The following EPG5 variants were observed in gnomAD, a reference collection of about 807,000 sequenced individuals.
The protein encoded by EPG5 is ectopic P-granules 5 autophagy tethering factor.
Under a neutral mutation model 302.7 loss-of-function variants are expected in EPG5, and 159 were observed. The observed-to-expected ratio is 0.53, with a 90% CI of 0.46 to 0.60. EPG5 has a LOEUF of 0.60. EPG5 is among the 20% of genes least tolerant of loss of function. The pLI is 0.00. For missense variants in EPG5, 2,896 were observed against 3,092.4 expected, an observed-to-expected ratio of 0.94 and a Z score of 1.51; for synonymous variants, 1,158 against 1,136.8, an observed-to-expected ratio of 1.02 and a Z score of -0.37.
In EPG5 at chr18:45,847,711, AT is replaced by A. The variant is rs1352937166; in HGVS notation, c.*4755del. Reference sequence around the variant, plus strand: ...ATAAAAACTTACCCTTTGTACAAGTATGAAAAATGTGGAACAATGAATAAGT... The same window carrying A: ...ATAAAAACTTACCCTTTGTACAAGTAGAAAAATGTGGAACAATGAATAAGT... On this transcript the variant is annotated 3_prime_UTR_variant, in exon 44 of 44. Transcript: ENST00000282041. 1.3e-5 allele frequency: 2 copies of A among 152,630 alleles called. No homozygotes were observed. The highest frequency in any genetic ancestry group is 2.9e-5 in the Non-Finnish European group (2 of 68,046). The allele number at this position is 152,630 out of a possible 1,614,324, so 9.5% of individuals were successfully genotyped here.
the EPG5 span, chr18:45,839,028 C>T: frequency 5.0e-5 from 78 of 1,574,730 alleles, no homozygotes; most frequent in Non-Finnish European, 6.4e-5. Context: ...TCCTGCTCGG[C>T]GCTCTCGGCT....
intron 27 of EPG5, among the ~76,000 whole-genome samples, chr18:45,893,319 C>T (rs1260522329): frequency 2.6e-5 from 4 of 152,166 alleles, no homozygotes; most frequent in African/African-American, 9.7e-5. Flanking sequence ...AATCCCAGCA[C>T]TTTGGGAGGC....
At chr18:45,894,768 TG>T (rs1376369485) in intron 27 of EPG5, among the ~76,000 whole-genome samples, 6 of 152,186 alleles carry the variant, frequency 3.9e-5, no homozygotes, top group Non-Finnish European at 8.8e-5. Flanking sequence ...AAAGTCTAAA[TG>T]GCTGAAAAGT....
chr18:45,847,180 T>A (rs188180161), downstream of EPG5, among the ~76,000 whole-genome samples: 11 of 152,328 alleles, frequency 7.2e-5, no homozygotes, highest in African/African-American at 1.2e-4. Flanking sequence ...CCTTGGCCCA[T>A]TCAAAGTGCA....
chr18:45,963,898 G>A (rs7231179), intron 1 of EPG5, among the ~76,000 whole-genome samples: 53,202 of 152,042 alleles, frequency 0.35, 12,492 homozygotes, highest in African/African-American at 0.65. Flanking sequence ...CCTTGGAGGA[G>A]GGTTGTACTA....
At chr18:45,887,540 A>G (rs752972720) in intron 29 of EPG5, among the ~76,000 whole-genome samples, 10 of 152,242 alleles carry the variant, frequency 6.6e-5, no homozygotes, top group Non-Finnish European at 1.5e-5. Context: ...AGACTTTCAA[A>G]TATGAATAAT....
intron 29 of EPG5, among the ~76,000 whole-genome samples, chr18:45,886,785 A>G (rs2049227660): frequency 6.6e-6 from 1 of 152,098 alleles, no homozygotes; most frequent in Non-Finnish European, 1.5e-5. Flanking sequence ...CAGTCTCCCA[A>G]GTAGCTGGGA....
At chr18:45,922,645 T>C in intron 15 of EPG5, 45 bp from the exon 16 acceptor site, 1 of 1,598,628 alleles carries the variant, frequency 6.3e-7, no homozygotes, top group Middle Eastern at 1.8e-4. Context: ...ACACACAAAT[T>C]AAATCAGTAA....
chr18:45,894,232 G>T (rs932780032), intron 27 of EPG5, among the ~76,000 whole-genome samples: 3 of 152,078 alleles, frequency 2.0e-5, no homozygotes, highest in Non-Finnish European at 2.9e-5. Context: ...GGCCGAGATG[G>T]GTGGATCACC....
intron 14 of EPG5, among the ~76,000 whole-genome samples, chr18:45,925,056 C>A (rs1214660112): frequency 6.6e-6 from 1 of 152,142 alleles, no homozygotes; most frequent in East Asian, 1.9e-4. Context: ...AGACTCTTAA[C>A]CAATGCATAG....
intron 43 of EPG5, among the ~76,000 whole-genome samples, chr18:45,854,658 G>A (rs2048478050): frequency 6.6e-6 from 1 of 152,104 alleles, no homozygotes; most frequent in African/African-American, 2.4e-5. Flanking sequence ...CCAGGAGTTT[G>A]AGACCAACCT....
chr18:45,868,699 A>G (rs559688351), intron 36 of EPG5, among the ~76,000 whole-genome samples: 1 of 151,172 alleles, frequency 6.6e-6, no homozygotes. Flanking sequence ...ATGCTGTATT[A>G]TAACAATGTC....
rs751759759 is a variant in EPG5 at position 45,916,022 on chromosome 18, T to G, written c.3569A>C (p.Tyr1190Ser). The G allele has an allele frequency of 3.7e-6, 6 of 1,611,978 alleles. No homozygotes were observed. The highest frequency in any genetic ancestry group is 5.1e-6 in the Non-Finnish European group (6 of 1,179,540). The change falls in exon 19 of 44, where the codon TAC becomes TCC. Residue 1190 changes from tyrosine to serine, a missense_variant. By Grantham distance (144) the Tyr-to-Ser change is moderately radical. Around this residue, in one of 5 missense-constraint regions of EPG5, gnomAD observed 1,390 missense variants for 1,430.0 expected, o/e 0.97. Coordinates refer to ENST00000282041, the MANE Select transcript of EPG5 (RefSeq NM_020964.3). ...MQEDCIQKLL[Y>S]QQHKNALGYH... is the part of the protein sequence containing the mutation. ...CAGGTTAATTACCTTATGTTGTTGGTAGAGTAATTTCTGTATGCAGTCTTC... is the reference window on the plus strand; with the variant it reads ...CAGGTTAATTACCTTATGTTGTTGGGAGAGTAATTTCTGTATGCAGTCTTC...
intron 35 of EPG5, among the ~76,000 whole-genome samples, chr18:45,871,457 G>C (rs1041535150): frequency 3.3e-5 from 5 of 152,132 alleles, no homozygotes; most frequent in African/African-American, 1.2e-4. Flanking sequence ...GAAATCGATA[G>C]GGAGAAGGGA....
At chr18:45,958,315 G>A (rs1247299954) in intron 1 of EPG5, among the ~76,000 whole-genome samples, 1 of 152,084 alleles carries the variant, frequency 6.6e-6, no homozygotes, top group Non-Finnish European at 1.5e-5. Flanking sequence ...TTTTGCAGAA[G>A]TTGATAAACT....
At position 45,848,537 on chromosome 18, in the gene EPG5, G is replaced by A. The variant is rs1292384885; in HGVS notation, c.*3930C>T. The A allele has an allele frequency of 6.6e-6, 1 of 152,228 alleles. No individual in the cohort carries two copies. The highest frequency in any genetic ancestry group is 1.5e-5 in the Non-Finnish European group (1 of 68,046). The allele number at this position is 152,228 out of a possible 1,614,324, so 9.4% of individuals were successfully genotyped here. A position where few individuals can be genotyped will look rare whatever the true frequency, so the allele number is the denominator to read the frequency against. The stretch of plus-strand genomic sequence containing the variant: ...TATGCCACTTGGACCACACTGGTGC[G>A]ACTCTAACCCCAGGGCTGGGGCCAG... On this transcript the variant is annotated 3_prime_UTR_variant, in exon 44 of 44. Transcript: ENST00000282041.
rs368125864 is a variant in EPG5 at position 45,954,544 on chromosome 18, G to A, written c.858C>T (p.Asp286=). ...AAAGCAACTCATAAAATTCATGCCT[G>A]TCTTGATGAGCCATGCTGTCAAATT... ...LEEFDSMAHQ[D]RHEFYELLLN... Residue 286 remains aspartate, a synonymous_variant, in exon 2 of 44, where the codon GAC becomes GAT. Transcript: ENST00000282041. 24 of 1,614,110 alleles carry A rather than the reference G, an allele frequency of 1.5e-5. No individual in the cohort carries two copies. The African/African-American group carries it at 2.4e-4, about 16-fold the overall frequency.
Position 45,934,928 on chromosome 18 carries a change from C to T in EPG5, c.2138G>A (p.Gly713Glu). 6.2e-7 allele frequency: 1 copy of T among 1,613,688 alleles called. No homozygotes were observed. The highest frequency in any genetic ancestry group is 8.5e-7 in the Non-Finnish European group (1 of 1,179,924). ...CCACAGCATTTGCACAGACAGAGTC[C>T]CAAAGGGCATCTCGGACATAAACAG... ...IWLFMSEMPF[G>E]TLSVQMLWKL... The change falls in exon 11 of 44, where the codon GGG (glycine) becomes GAG (glutamate). Residue 713 changes from glycine to glutamate, a missense_variant. By Grantham distance (98) the Gly-to-Glu change is moderately conservative. Transcript: ENST00000282041.
chr18:45,875,114 C>T (rs1052430835), intron 35 of EPG5, among the ~76,000 whole-genome samples: 3 of 152,132 alleles, frequency 2.0e-5, no homozygotes, highest in East Asian at 1.9e-4. Flanking sequence ...ACTGGTAGCA[C>T]GGGAAACCCC....
Sources: gnomAD v4.1 joint callset for allele counts (sites outside exome capture counted in the v4.1 genomes callset) on GRCh38, gnomAD v4.1.1 for gene constraint, gnomAD v4.1.1 regional missense constraint, MANE v1.5 for transcripts, NCBI Gene and HGNC (gene_info 2026-07-23, HGNC 2026-07-21) for gene names.